The following SNRNP27 variants were observed in gnomAD, a reference collection of about 807,000 sequenced individuals.
SNRNP27 encodes the protein small nuclear ribonucleoprotein U4/U6.U5 subunit 27.
SNRNP27 carries 22 observed loss-of-function variants against 25.1 expected under a neutral mutation model. That is an observed-to-expected ratio of 0.88 (90% CI 0.63 to 1.25). The LOEUF (loss-of-function observed/expected upper bound fraction) is 1.25, where lower values mean the gene tolerates loss of function less well. Ranked by LOEUF, SNRNP27 falls within the 50% of genes most tolerant of loss-of-function variation. The probability of loss-of-function intolerance (pLI) is 0.00; values close to 1 mark genes in which losing one functional copy is unlikely to be tolerated. For missense variants in SNRNP27, 150 were observed against 202.3 expected (o/e 0.74, Z 1.57); for synonymous variants, 66 against 64.9 (o/e 1.02, Z -0.08).
chr2:69,896,347 C>A, intron 2 of SNRNP27, 89 bp from the exon 3 acceptor site: 1 of 1,212,840 alleles, frequency 8.2e-7, no homozygotes, highest in Non-Finnish European at 1.2e-6. Flanking sequence ...ACTCGTGGTT[C>A]TGTGGAGCTC....
At chr2:69,896,759 G>A (rs1219176140) in intron 3 of SNRNP27, among the ~76,000 whole-genome samples, 1 of 150,076 alleles carries the variant, frequency 6.7e-6, no homozygotes, top group African/African-American at 2.5e-5. Context: ...TGCAACCTCC[G>A]CCTCCTGGGT....
At chr2:69,896,357 C>T (rs997634926) in intron 2 of SNRNP27, 79 bp from the exon 3 acceptor site, 7 of 1,306,986 alleles carry the variant, frequency 5.4e-6, no homozygotes, top group Admixed American at 1.9e-5. Context: ...CTGTGGAGCT[C>T]ACCTCATGTA....
At chr2:69,896,327 A>G (rs1221006219) in intron 2 of SNRNP27, 109 bp from the exon 3 acceptor site, 2 of 1,046,952 alleles carry the variant, frequency 1.9e-6, no homozygotes, top group East Asian at 2.4e-5. Flanking sequence ...TCACTTTGCT[A>G]TACGGAATGA....
intron 2 of SNRNP27, among the ~76,000 whole-genome samples, 160 bp from the exon 3 acceptor site, chr2:69,896,276 T>G (rs186958478): frequency 1.3e-5 from 2 of 152,192 alleles, no homozygotes; most frequent in Non-Finnish European, 2.9e-5. Flanking sequence ...CATTAAAAAA[T>G]TTTTTTGTTA....
chr2:69,895,002 A>G (rs1353665618), intron 1 of SNRNP27, 92 bp from the exon 2 acceptor site: 2 of 1,538,792 alleles, frequency 1.3e-6, no homozygotes, highest in Non-Finnish European at 1.8e-6. Context: ...TAATGTGACT[A>G]GTAATGGTTT....
chr2:69,903,115 T>G, intron 4 of SNRNP27, 66 bp from the exon 5 acceptor site: 1 of 1,302,920 alleles, frequency 7.7e-7, no homozygotes, highest in Non-Finnish European at 1.1e-6. Flanking sequence ...CCACACCTGC[T>G]TTCATGTATC....
At chr2:69,902,920 T>G (rs908682114) in intron 4 of SNRNP27, among the ~76,000 whole-genome samples, 2 of 141,608 alleles carry the variant, frequency 1.4e-5, no homozygotes, top group African/African-American at 2.6e-5. Flanking sequence ...TCTTCCTTTC[T>G]CCTCCTTTCT....
At chr2:69,901,809 C>T (rs977148398) in intron 4 of SNRNP27, among the ~76,000 whole-genome samples, 1 of 152,036 alleles carries the variant, frequency 6.6e-6, no homozygotes, top group African/African-American at 2.4e-5. Flanking sequence ...GACAGTGAGG[C>T]CCTGTGTCTA....
chr2:69,897,186 T>C (rs768530537), intron 3 of SNRNP27, among the ~76,000 whole-genome samples, 191 bp from the exon 4 acceptor site: 1 of 152,196 alleles, frequency 6.6e-6, no homozygotes, highest in African/African-American at 2.4e-5. Context: ...GAGAGGACTT[T>C]TTTTTTGTAC....
rs548714850 is a variant in SNRNP27 at position 69,898,159 on chromosome 2, G to A, written c.348+703G>A. Reference sequence around the variant, plus strand: ...CTCAGGTGTCAGGCTGGGACCCTGAGTGATACAGTTAACCCAGAACAGAGT... The same window carrying A: ...CTCAGGTGTCAGGCTGGGACCCTGAATGATACAGTTAACCCAGAACAGAGT... On this transcript the variant is annotated intron_variant, in intron 4 of 5. Coordinates refer to ENST00000244227, the MANE Select transcript of SNRNP27 (RefSeq NM_006857.3). 2.0e-5 allele frequency among the ~76,000 whole-genome samples: 2 copies of A among 99,178 alleles called. 1 individual carries two copies. The highest frequency in any genetic ancestry group is 1.4e-4 in the African/African-American group (2 of 14,674). The allele number at this position is 99,178 out of a possible 152,430, so 65.1% of individuals were successfully genotyped here.
intron 4 of SNRNP27, among the ~76,000 whole-genome samples, chr2:69,899,024 T>C (rs1348214430): frequency 6.6e-6 from 1 of 152,216 alleles, no homozygotes; most frequent in African/African-American, 2.4e-5. Flanking sequence ...AATTATTTTC[T>C]TTGTTTTTTG....
intron 4 of SNRNP27, 40 bp downstream of exon 4, chr2:69,897,496 T>C (rs1381331189): frequency 7.3e-7 from 1 of 1,366,028 alleles, no homozygotes; most frequent in East Asian, 2.3e-5. Context: ...AATTAATATG[T>C]TATGACTGTC....
intron 2 of SNRNP27, 42 bp from the exon 3 acceptor site, chr2:69,896,394 A>G (rs951914636): frequency 6.3e-7 from 1 of 1,586,018 alleles, no homozygotes. Flanking sequence ...TACAAAGTTG[A>G]TATGTCTGTC....
intron 2 of SNRNP27, 42 bp downstream of exon 2, chr2:69,895,256 T>A (rs1017125915): frequency 6.2e-7 from 1 of 1,604,036 alleles, no homozygotes; most frequent in Non-Finnish European, 8.5e-7. Flanking sequence ...TTACCGAAAG[T>A]CCCTAAGAAA....
intron 4 of SNRNP27, among the ~76,000 whole-genome samples, chr2:69,902,466 T>C (rs1231097926): frequency 6.6e-6 from 1 of 152,186 alleles, no homozygotes; most frequent in Non-Finnish European, 1.5e-5. Flanking sequence ...CTTCTTCGGC[T>C]TCTGCTGCTG....
At position 69,905,061 on chromosome 2, in the gene SNRNP27, T is replaced by C. The variant is rs1676773040; in HGVS notation, c.*753T>C. 3 of 152,290 alleles carry C rather than the reference T, an allele frequency of 2.0e-5. No homozygotes were observed. The East Asian group carries it at 5.8e-4, about 29-fold the overall frequency. 9.4% of individuals were successfully genotyped at this position (152,290 alleles called of 1,614,324 possible). A position where few individuals can be genotyped will look rare whatever the true frequency, so the allele number is the denominator to read the frequency against. On this transcript the variant is annotated 3_prime_UTR_variant, in exon 6 of 6. Coordinates refer to ENST00000244227, the MANE Select transcript of SNRNP27 (RefSeq NM_006857.3). ...CTTTCTTTAACCCTTTTTTCTCCTA[T>C]GTACTGTGAACATTTAAAAAGTACT...
chr2:69,894,999 A>G, intron 1 of SNRNP27, 95 bp from the exon 2 acceptor site: 1 of 1,527,468 alleles, frequency 6.5e-7, no homozygotes, highest in Non-Finnish European at 8.9e-7. Context: ...TTTTAATGTG[A>G]CTAGTAATGG....
chr2:69,896,570 C>T (rs746535041), intron 3 of SNRNP27, 22 bp downstream of exon 3: 2 of 1,576,008 alleles, frequency 1.3e-6, no homozygotes, highest in Non-Finnish European at 8.6e-7. Context: ...AGATAAATAA[C>T]TGTAGGAAAA....
chr2:69,902,818 C>T (rs967214178), intron 4 of SNRNP27, among the ~76,000 whole-genome samples: 1 of 151,754 alleles, frequency 6.6e-6, no homozygotes, highest in African/African-American at 2.4e-5. Context: ...CTTCCCCTTC[C>T]GCTGCTGCCG....
Sources: allele counts gnomAD v4.1 joint callset (sites outside exome capture counted in the v4.1 genomes callset), GRCh38; gene constraint gnomAD v4.1.1; transcripts MANE v1.5; gene names NCBI Gene and HGNC (gene_info 2026-07-23, HGNC 2026-07-21).